The following TRABD2B variants were observed in gnomAD, a reference collection of about 807,000 sequenced individuals.
TRABD2B encodes metalloprotease TIKI2.
TRABD2B carries 14 observed loss-of-function variants against 40.1 expected under a neutral mutation model. The observed-to-expected ratio is 0.35, with a 90% CI of 0.23 to 0.55. The LOEUF (loss-of-function observed/expected upper bound fraction) is 0.55, where lower values mean the gene tolerates loss of function less well. Among genes scored for constraint, TRABD2B ranks in the 20% least tolerant of loss-of-function variants. The pLI, the probability that TRABD2B is intolerant of heterozygous loss-of-function variation, is 0.90. For synonymous variants in TRABD2B, 263 were observed against 277.0 expected (o/e 0.95, Z 0.50); for missense variants, 541 against 648.6 (o/e 0.83, Z 1.80).
chr1:47,798,493 C>T (rs1644777645), intron 3 of TRABD2B, among the ~76,000 whole-genome samples: 2 of 152,178 alleles, frequency 1.3e-5, no homozygotes, highest in Admixed American at 1.3e-4. Flanking sequence ...GGGATGCAGC[C>T]ATTGCTGCAG....
At chr1:47,894,846 A>G (rs1024948859) in intron 2 of TRABD2B, among the ~76,000 whole-genome samples, 3 of 152,250 alleles carry the variant, frequency 2.0e-5, no homozygotes, top group East Asian at 1.9e-4. Context: ...TGTGCTGAGG[A>G]CACAGACATG....
chr1:47,860,122 G>A (rs568185749), intron 2 of TRABD2B, among the ~76,000 whole-genome samples: 2 of 152,254 alleles, frequency 1.3e-5, no homozygotes, highest in African/African-American at 4.8e-5. Flanking sequence ...GATGTCCTGA[G>A]GCTTTCATTC....
chr1:47,831,675 G>C (rs1645251887), intron 2 of TRABD2B, among the ~76,000 whole-genome samples: 1 of 152,178 alleles, frequency 6.6e-6, no homozygotes, highest in South Asian at 2.1e-4. Context: ...AGCCGTGGAG[G>C]ATGGAGAGAA....
chr1:47,960,699 A>C (rs1191971985), intron 2 of TRABD2B, among the ~76,000 whole-genome samples: 1 of 152,236 alleles, frequency 6.6e-6, no homozygotes, highest in Non-Finnish European at 1.5e-5. Flanking sequence ...CCACTGCTCA[A>C]GGAAATAAAA....
At chr1:47,937,522 T>C (rs1430436252) in intron 2 of TRABD2B, among the ~76,000 whole-genome samples, 1 of 152,178 alleles carries the variant, frequency 6.6e-6, no homozygotes, top group African/African-American at 2.4e-5. Flanking sequence ...ACCATCATCA[T>C]CATTATTACA....
intron 4 of TRABD2B, among the ~76,000 whole-genome samples, chr1:47,791,172 G>T (rs1200143000): frequency 6.6e-6 from 1 of 152,166 alleles, no homozygotes; most frequent in African/African-American, 2.4e-5. Context: ...GTCCTAACAA[G>T]CACTGGAGGG....
intron 2 of TRABD2B, among the ~76,000 whole-genome samples, chr1:47,885,382 T>C (rs1644357190): frequency 6.6e-6 from 1 of 152,188 alleles, no homozygotes; most frequent in African/African-American, 2.4e-5. Context: ...CTTATTTACT[T>C]GCAGCACCCC....
Position 47,761,306 on chromosome 1 carries a change from A to G in TRABD2B, c.*4596T>C, listed in dbSNP as rs1644241061. 1.3e-5 allele frequency: 2 copies of G among 152,340 alleles called. No homozygotes were observed. Among genetic ancestry groups the G allele is most frequent in the Non-Finnish European group, 2.9e-5 (2 of 68,132 alleles). 9.4% of individuals were successfully genotyped at this position (152,340 alleles called of 1,614,324 possible). On this transcript the variant is annotated 3_prime_UTR_variant, in exon 7 of 7. Coordinates refer to ENST00000606738, the MANE Select transcript of TRABD2B (RefSeq NM_001194986.2). ...CTGGAAAGAGCCAAGTAGGGGGTCAATCAGTTCTCGTGAACCCTTTCCTCC... is the reference window on the plus strand; with the variant it reads ...CTGGAAAGAGCCAAGTAGGGGGTCAGTCAGTTCTCGTGAACCCTTTCCTCC...
chr1:47,912,816 C>T (rs1644780929), intron 2 of TRABD2B, among the ~76,000 whole-genome samples: 1 of 152,132 alleles, frequency 6.6e-6, no homozygotes, highest in African/African-American at 2.4e-5. Flanking sequence ...GTCCCAGGAG[C>T]TGGCAAGGAA....
At chr1:47,806,425 T>G (rs56212129) in intron 2 of TRABD2B, among the ~76,000 whole-genome samples, 4,122 of 152,316 alleles carry the variant, frequency 0.027, 87 homozygotes, top group Non-Finnish European at 0.039. Context: ...AGATGTCTTC[T>G]GCTCCTGGCC....
intron 2 of TRABD2B, among the ~76,000 whole-genome samples, chr1:47,854,888 TA>T (rs1365592694): frequency 6.6e-6 from 1 of 152,164 alleles, no homozygotes; most frequent in Admixed American, 6.5e-5. Context: ...GAGTCACATG[TA>T]AAAAAGTTTG....
At chr1:47,826,029 C>A (rs919002141) in intron 2 of TRABD2B, among the ~76,000 whole-genome samples, 3 of 152,164 alleles carry the variant, frequency 2.0e-5, no homozygotes, top group African/African-American at 7.2e-5. Flanking sequence ...CCATGCCTGG[C>A]AGATGATAGA....
chr1:47,944,329 GAATA>G (rs1227229106), intron 2 of TRABD2B, among the ~76,000 whole-genome samples: 1 of 152,158 alleles, frequency 6.6e-6, no homozygotes, highest in East Asian at 1.9e-4. Flanking sequence ...TTTGTTGAAT[GAATA>G]AATAAATGTA....
chr1:47,829,080 T>C (rs1460131879), intron 2 of TRABD2B, among the ~76,000 whole-genome samples: 1 of 152,192 alleles, frequency 6.6e-6, no homozygotes, highest in Non-Finnish European at 1.5e-5. Flanking sequence ...AAACTGAGGA[T>C]GACTGGCCCC....
chr1:47,828,301 T>A (rs898566722), intron 2 of TRABD2B, among the ~76,000 whole-genome samples: 7 of 152,210 alleles, frequency 4.6e-5, no homozygotes, highest in Non-Finnish European at 8.8e-5. Context: ...CCCTCCTTCC[T>A]CACAAACAGG....
chr1:47,819,429 G>C (rs1016662244), intron 2 of TRABD2B: 5 of 152,224 alleles, frequency 3.3e-5, no homozygotes, highest in African/African-American at 1.2e-4. Context: ...TGAAACCGAA[G>C]CCGCCTGAGG....
At chr1:47,862,045 C>A (rs528746459) in intron 2 of TRABD2B, among the ~76,000 whole-genome samples, 1 of 152,224 alleles carries the variant, frequency 6.6e-6, no homozygotes, top group South Asian at 2.1e-4. Context: ...AAATCCAACA[C>A]CCATTCATGA....
intron 2 of TRABD2B, among the ~76,000 whole-genome samples, chr1:47,842,656 C>T (rs1645415187): frequency 6.6e-6 from 1 of 152,226 alleles, no homozygotes; most frequent in Non-Finnish European, 1.5e-5. Flanking sequence ...CTTCTCTGAG[C>T]TTCATTTTCC....
intron 2 of TRABD2B, among the ~76,000 whole-genome samples, chr1:47,922,750 C>T (rs1015038998): frequency 7.9e-5 from 12 of 152,336 alleles, no homozygotes; most frequent in African/African-American, 2.4e-4. Context: ...CTCCACAGCA[C>T]TTCTTCCCCT....
Sources: allele counts gnomAD v4.1 joint callset (sites outside exome capture counted in the v4.1 genomes callset), GRCh38; gene constraint gnomAD v4.1.1; transcripts MANE v1.5; gene names NCBI Gene and HGNC (gene_info 2026-07-23, HGNC 2026-07-21).